THEMIS2: variants seen among roughly 807,000 people sequenced by gnomAD.
The protein encoded by THEMIS2 is protein THEMIS2.
THEMIS2 carries 29 observed loss-of-function variants against 46.8 expected under a neutral mutation model. The ratio of observed to expected loss-of-function variants is 0.62; its 90% CI spans 0.46 to 0.84. The LOEUF (loss-of-function observed/expected upper bound fraction) is 0.84. Ranked by LOEUF, THEMIS2 falls within the 40% of genes least tolerant of loss-of-function variation. THEMIS2 has a pLI of 0.00. For missense variants in THEMIS2, 698 were observed against 834.7 expected, an observed-to-expected ratio of 0.84 and a Z score of 2.02; for synonymous variants, 335 against 349.1, an observed-to-expected ratio of 0.96 and a Z score of 0.45.
At position 27,886,307 on chromosome 1, in the gene THEMIS2, T is replaced by C. The variant is rs2089771062; in HGVS notation, c.*385T>C. On this transcript the variant is annotated 3_prime_UTR_variant, in exon 6 of 6. Transcript: ENST00000373921. The stretch of plus-strand genomic sequence containing the variant: ...AATGCTGATCACACTGCATGGGAGA[T>C]TTTGTTAACGTCTGCCACCCCCACT... 1 of 232,576 alleles carries C rather than the reference T, an allele frequency of 4.3e-6. No homozygotes were observed. Among genetic ancestry groups the C allele is most frequent in the Non-Finnish European group, 8.6e-6 (1 of 116,230 alleles). 14.4% of individuals were successfully genotyped at this position (232,576 alleles called of 1,614,324 possible). A position where few individuals can be genotyped will look rare whatever the true frequency, so the allele number is the denominator to read the frequency against.
chr1:27,876,864 A>C, intron 2 of THEMIS2, 136 bp downstream of exon 2: 1 of 1,105,376 alleles, frequency 9.0e-7, no homozygotes, highest in Non-Finnish European at 1.3e-6. Context: ...CATTCACCAC[A>C]ACCCAGCCTC....
intron 1 of THEMIS2, among the ~76,000 whole-genome samples, chr1:27,875,963 A>G (rs2089570065): frequency 6.6e-6 from 1 of 151,988 alleles, no homozygotes; most frequent in African/African-American, 2.4e-5. Context: ...TGGCCCCCCA[A>G]AGTGCTGGGA....
intron 4 of THEMIS2, chr1:27,884,281 C>T (rs1159600205): frequency 6.6e-6 from 1 of 152,298 alleles, no homozygotes; most frequent in African/African-American, 2.4e-5. Flanking sequence ...GAGCTTCTAA[C>T]TACCGTGGTC....
chr1:27,882,517 T>G lies in THEMIS2; in HGVS notation c.1193T>G (p.Leu398Arg). ...SDVDVLVCQRLSDQAGEDEEE... is the reference protein window; with the variant it reads ...SDVDVLVCQRRSDQAGEDEEE... ...GTGGATGTCTTGGTTTGTCAGCGGC[T>G]GAGTGACCAGGCTGGGGAGGATGAG... Residue 398 changes from leucine (L) to arginine (R), a missense_variant, in exon 4 of 6, where the codon CTG becomes CGG. Physicochemically the swap from Leu to Arg is moderately radical, Grantham distance 102. Coordinates refer to ENST00000373921, the MANE Select transcript of THEMIS2 (RefSeq NM_001105556.3). This position sits in a 1 kb window ranked among gnomAD's most constrained non-coding sequence, Gnocchi z 7.6. 1 of 1,613,640 alleles carries G rather than the reference T, an allele frequency of 6.2e-7. No individual in the cohort carries two copies. Among genetic ancestry groups the G allele is most frequent in the Non-Finnish European group, 8.5e-7 (1 of 1,179,650 alleles).
Position 27,881,984 on chromosome 1 carries a change from T to C in THEMIS2, c.660T>C (p.Ile220=), listed in dbSNP as rs1457065939. The change falls in exon 4 of 6, where the codon ATT becomes ATC. Residue 220 remains isoleucine, a synonymous_variant. Transcript: ENST00000373921. ...IQAIMHMRRT[I]VKIPSTLEVD... ...CCCTCTCCACAGTGCGCAGGACCATTGTCAAGATCCCTTCTACCCTGGAGG... is the reference window on the plus strand; with the variant it reads ...CCCTCTCCACAGTGCGCAGGACCATCGTCAAGATCCCTTCTACCCTGGAGG... 1 of 1,612,656 alleles carries C rather than the reference T, an allele frequency of 6.2e-7. No individual in the cohort carries two copies. Among genetic ancestry groups the C allele is most frequent in the African/African-American group, 1.3e-5 (1 of 74,896 alleles).
At position 27,874,033 on chromosome 1, in the gene THEMIS2, G is replaced by GTTTTTTTTTTTTTT. The variant is rs1256524975; in HGVS notation, c.94+1372_94+1385dup. ...GGCAAACACCCTGGGTTCAACCTAG[G>GTTTTTTTTTTTTTT]TTTTTTTTTTTTTTTTTGAGACAGA... is the stretch of plus-strand genomic sequence containing the variant. On this transcript the variant is annotated intron_variant, in intron 1 of 5. Transcript: ENST00000373921. 3.3e-3 allele frequency among the ~76,000 whole-genome samples: 321 copies of GTTTTTTTTTTTTTT among 97,094 alleles called. 53 individuals carry two copies. The highest frequency in any genetic ancestry group is 0.013 in the African/African-American group (247 of 19,302). 63.7% of individuals were successfully genotyped at this position (97,094 alleles called of 152,430 possible).
At chr1:27,875,139 G>A (rs1257734886) in intron 1 of THEMIS2, among the ~76,000 whole-genome samples, 1 of 151,932 alleles carries the variant, frequency 6.6e-6, no homozygotes, top group Non-Finnish European at 1.5e-5. Context: ...CCTCCACACT[G>A]GGCTAATTTT....
At chr1:27,874,780 G>GA (rs370274504) in intron 1 of THEMIS2, among the ~76,000 whole-genome samples, 222 of 151,616 alleles carry the variant, frequency 1.5e-3, no homozygotes, top group African/African-American at 5.1e-3. Flanking sequence ...ACTCTGTCTC[G>GA]AAAAAAAGGA....
At chr1:27,881,879 G>C (rs1027041447) in intron 3 of THEMIS2, 92 bp from the exon 4 acceptor site, 84 of 1,005,938 alleles carry the variant, frequency 8.4e-5, no homozygotes, top group Non-Finnish European at 1.1e-4. Flanking sequence ...GCAGCGGGAG[G>C]GAGGCCAGCC....
intron 3 of THEMIS2, among the ~76,000 whole-genome samples, chr1:27,881,168 G>C (rs935320222): frequency 1.4e-4 from 21 of 151,954 alleles, no homozygotes; most frequent in African/African-American, 5.1e-4. Flanking sequence ...AAGAAGGTTG[G>C]GGCCAAGCAC....
At chr1:27,881,199 C>G (rs1369204862) in intron 3 of THEMIS2, among the ~76,000 whole-genome samples, 1 of 151,484 alleles carries the variant, frequency 6.6e-6, no homozygotes, top group Non-Finnish European at 1.5e-5. Context: ...GCCTGTAATC[C>G]TAGAACTTTG....
intron 3 of THEMIS2, among the ~76,000 whole-genome samples, chr1:27,880,497 T>G (rs530768951): frequency 6.6e-6 from 1 of 151,886 alleles, no homozygotes; most frequent in Non-Finnish European, 1.5e-5. Context: ...GTTATTCTTA[T>G]TGATGCTCAA....
chr1:27,876,754 ATGTGCCCTGG>A, intron 2 of THEMIS2, 26 bp downstream of exon 2: 1 of 1,609,532 alleles, frequency 6.2e-7, no homozygotes, highest in Non-Finnish European at 8.5e-7. Flanking sequence ...CTGCCTCCCC[ATGTGCCCTGG>A]CACTCTCCTG....
At chr1:27,877,607 A>G (rs35042401) in intron 2 of THEMIS2, among the ~76,000 whole-genome samples, 7,863 of 152,100 alleles carry the variant, frequency 0.052, 275 homozygotes, top group Middle Eastern at 0.096. Flanking sequence ...GATTACAGGC[A>G]TGAGCCACCA....
At chr1:27,881,048 G>T (rs1436262722) in intron 3 of THEMIS2, among the ~76,000 whole-genome samples, 1 of 151,728 alleles carries the variant, frequency 6.6e-6, no homozygotes, top group Non-Finnish European at 1.5e-5. Context: ...CCAGAGTGCT[G>T]GGATTACAGG....
At position 27,886,558 on chromosome 1, in the gene THEMIS2, G is replaced by A. The variant is rs1453851773; in HGVS notation, c.*636G>A. The A allele has an allele frequency of 6.6e-6, 1 of 152,230 alleles. No homozygotes were observed. The highest frequency in any genetic ancestry group is 1.9e-4 in the East Asian group (1 of 5,194). 9.4% of individuals were successfully genotyped at this position (152,230 alleles called of 1,614,324 possible). ...TTTAAGAAGACCCTTATGGAGACCT[G>A]AGGCTGCAGAAACTGGTAGGTTTCA... On this transcript the variant is annotated 3_prime_UTR_variant, in exon 6 of 6. Transcript: ENST00000373921.
chr1:27,872,621 C>T lies in THEMIS2; in HGVS notation c.50C>T (p.Ser17Phe). 1.4e-6 allele frequency: 2 copies of T among 1,474,372 alleles called. No individual in the cohort carries two copies. The highest frequency in any genetic ancestry group is 1.8e-6 in the Non-Finnish European group (2 of 1,113,684). 91.3% of individuals were successfully genotyped at this position (1,474,372 alleles called of 1,614,324 possible). The change falls in exon 1 of 6, where the codon TCC becomes TTC. Residue 17 changes from serine to phenylalanine, a missense_variant. Transcript: ENST00000373921. This position sits in a 1 kb window ranked among gnomAD's most constrained non-coding sequence, Gnocchi z 4.9. ...TTCGTGCGCGCCTTGGACCCCGCCT[C>T]CCTCCCGCGCGTGCTGCGGGTCTGC... is the stretch of plus-strand genomic sequence containing the variant. ...QDFVRALDPA[S>F]LPRVLRVCSG... is the part of the protein sequence containing the mutation.
Position 27,883,082 on chromosome 1 carries a change from A to G in THEMIS2, c.1719+39A>G, listed in dbSNP as rs567978259. 7.9e-6 allele frequency: 12 copies of G among 1,523,634 alleles called. No homozygotes were observed. In the East Asian group the frequency reaches 1.1e-4, roughly 14 times the overall value. The allele number at this position is 1,523,634 out of a possible 1,614,324, so 94.4% of individuals were successfully genotyped here. On this transcript the variant is annotated intron_variant, in intron 4 of 5. Transcript: ENST00000373921. The stretch of plus-strand genomic sequence containing the variant: ...CCCAGAGGGCACGGAGGGGTCACCT[A>G]TTGGGATCACTGCTTCTTTGTCATG...
At position 27,876,652 on chromosome 1, in the gene THEMIS2, C is replaced by A. The variant is rs550289255; in HGVS notation, c.159C>A (p.Thr53=). 1 of 1,613,918 alleles carries A rather than the reference C, an allele frequency of 6.2e-7. No homozygotes were observed. Among genetic ancestry groups the A allele is most frequent in the Non-Finnish European group, 8.5e-7 (1 of 1,179,994 alleles). The change falls in exon 2 of 6, where the codon ACC becomes ACA. Residue 53 remains threonine, a synonymous_variant. Coordinates refer to ENST00000373921, the MANE Select transcript of THEMIS2 (RefSeq NM_001105556.3). ...CCACGGGGGACCTGATCAAGGTCAC[C>A]CAGGTCCGCCTCCAGAAGGTGGTCT... ...CLSTGDLIKV[T]QVRLQKVVCE...
Sources: allele counts gnomAD v4.1 joint callset (sites outside exome capture counted in the v4.1 genomes callset), GRCh38; gene constraint gnomAD v4.1.1; non-coding constraint Gnocchi (gnomAD v3.1); transcripts MANE v1.5; gene names NCBI Gene and HGNC (gene_info 2026-07-23, HGNC 2026-07-21).